ASIC2: variants seen among roughly 807,000 people sequenced by gnomAD.
ASIC2 encodes the protein acid-sensing ion channel 2.
A neutral mutation model predicts 57.3 loss-of-function variants in ASIC2; 25 were observed. The observed-to-expected ratio is 0.44, with a 90% confidence interval of 0.32 to 0.61. The LOEUF (loss-of-function observed/expected upper bound fraction) is 0.61, where lower values mean the gene tolerates loss of function less well. Among genes scored for constraint, ASIC2 ranks in the 20% least tolerant of loss-of-function variants. The pLI is 0.06. For missense variants in ASIC2, 641 were observed against 738.1 expected, an observed-to-expected ratio of 0.87 and a Z score of 1.52; for synonymous variants, 319 against 307.5, an observed-to-expected ratio of 1.04 and a Z score of -0.39.
chr17:33,391,662 G>A (rs1294817765), intron 1 of ASIC2, among the ~76,000 whole-genome samples: 1 of 152,158 alleles, frequency 6.6e-6, no homozygotes, highest in East Asian at 1.9e-4. Context: ...TTGACCTTGA[G>A]TTGCACTCAA....
At chr17:34,025,019 C>T (rs1260658771) in intron 1 of ASIC2, among the ~76,000 whole-genome samples, 5 of 152,176 alleles carry the variant, frequency 3.3e-5, no homozygotes. Flanking sequence ...CTCTTGGAGG[C>T]CCCCAGTGGA....
intron 1 of ASIC2, among the ~76,000 whole-genome samples, chr17:33,456,205 T>G (rs1239209448): frequency 6.6e-6 from 1 of 152,230 alleles, no homozygotes; most frequent in African/African-American, 2.4e-5. Context: ...TTTTGCAGAT[T>G]GATTTCCCAG....
intron 1 of ASIC2, among the ~76,000 whole-genome samples, chr17:33,329,525 G>A (rs1399805180): frequency 6.6e-6 from 1 of 152,184 alleles, no homozygotes; most frequent in Non-Finnish European, 1.5e-5. Context: ...TTTCAGAAGT[G>A]GCTTGGCTAA....
intron 1 of ASIC2, among the ~76,000 whole-genome samples, chr17:33,376,289 G>C: frequency 6.6e-6 from 1 of 151,024 alleles, no homozygotes; most frequent in East Asian, 1.9e-4. Flanking sequence ...TGAGAAATGA[G>C]CTAATGGGGT....
At chr17:33,088,788 T>C in intron 3 of ASIC2, 75 bp downstream of exon 3, 1 of 1,477,970 alleles carries the variant, frequency 6.8e-7, no homozygotes, top group Non-Finnish European at 9.0e-7. Flanking sequence ...GGGAATTCCA[T>C]TTCTCCTCCT....
At chr17:33,991,914 C>A (rs1180500664) in intron 1 of ASIC2, among the ~76,000 whole-genome samples, 1 of 152,140 alleles carries the variant, frequency 6.6e-6, no homozygotes, top group Admixed American at 6.5e-5. Flanking sequence ...TTGTTCAAAG[C>A]AAATGAACTG....
chr17:34,110,518 G>A (rs1054636195), intron 1 of ASIC2, among the ~76,000 whole-genome samples: 3 of 152,222 alleles, frequency 2.0e-5, no homozygotes, highest in East Asian at 3.8e-4. Flanking sequence ...ACAAAGCCCT[G>A]CTGCCCTGGG....
intron 1 of ASIC2, among the ~76,000 whole-genome samples, chr17:33,159,645 C>A (rs1905107068): frequency 1.3e-5 from 2 of 152,172 alleles, no homozygotes; most frequent in African/African-American, 4.8e-5. Context: ...AACGAAAGTG[C>A]CTTGAAATTG....
rs184655287 is a variant in ASIC2, at chr17:33,606,170, G to A, written c.556-494103C>T. Among the ~76,000 whole-genome samples, 35 of 152,330 alleles carry A rather than the reference G, an allele frequency of 2.3e-4. 1 individual carries two copies. The East Asian group carries it at 6.4e-3, about 28-fold the overall frequency. On this transcript the variant is annotated intron_variant, in intron 1 of 9. Transcript: ENST00000359872. ...TATTTGCCATCAGACAGCGGACCCA[G>A]GGGCCAGCTTGGAAGCAGAGCTGAT... is the stretch of plus-strand genomic sequence containing the variant.
At chr17:33,152,258 T>C (rs1245829029) in intron 1 of ASIC2, among the ~76,000 whole-genome samples, 1 of 152,064 alleles carries the variant, frequency 6.6e-6, no homozygotes, top group Non-Finnish European at 1.5e-5. Context: ...ACAATGTGGT[T>C]GGTCTATGGG....
intron 1 of ASIC2, among the ~76,000 whole-genome samples, chr17:33,662,651 AT>A (rs1311016538): frequency 7.0e-5 from 10 of 143,714 alleles, no homozygotes; most frequent in African/African-American, 1.3e-4. Flanking sequence ...AAATAAATAA[AT>A]AAATAAATAA....
At chr17:33,036,318 A>G (rs1156916181) in intron 3 of ASIC2, among the ~76,000 whole-genome samples, 1 of 152,178 alleles carries the variant, frequency 6.6e-6, no homozygotes, top group Non-Finnish European at 1.5e-5. Context: ...AGCAGATTTC[A>G]GATCCTAAAC....
intron 1 of ASIC2, among the ~76,000 whole-genome samples, chr17:34,152,843 T>C (rs11651946): frequency 0.29 from 43,922 of 152,046 alleles, 6,969 homozygotes; most frequent in Middle Eastern, 0.43. Context: ...CAATCCCTCC[T>C]CCTTCCTTCC....
intron 1 of ASIC2, among the ~76,000 whole-genome samples, chr17:33,279,694 C>A (rs1350982700): frequency 2.6e-5 from 4 of 152,102 alleles, no homozygotes; most frequent in African/African-American, 9.7e-5. Flanking sequence ...TCTACACCTG[C>A]CTAGGTAACG....
intron 1 of ASIC2, among the ~76,000 whole-genome samples, chr17:33,596,120 G>A (rs1370294700): frequency 1.3e-5 from 2 of 149,770 alleles, no homozygotes; most frequent in South Asian, 2.1e-4. Flanking sequence ...AGACCCACCC[G>A]CCAAATCTTG....
At chr17:33,577,020 G>C (rs534020769) in intron 1 of ASIC2, among the ~76,000 whole-genome samples, 10 of 152,336 alleles carry the variant, frequency 6.6e-5, no homozygotes, top group Admixed American at 5.9e-4. Flanking sequence ...TGTAACAAAT[G>C]TATGACCTCT....
Position 34,039,179 on chromosome 17 carries a change from C to G in ASIC2, c.555+116799G>C, listed in dbSNP as rs1908003793. On this transcript the variant is annotated intron_variant, in intron 1 of 9. Coordinates refer to the ASIC2 transcript ENST00000359872. ...CTTAATAAATCATCTATTCTTCCCT[C>G]CTTCTTCTCTAAGTCAGAATTCTTA... 1.9e-6 allele frequency: 3 copies of G among 1,614,032 alleles called. No homozygotes were observed. In the South Asian group the frequency reaches 3.3e-5, roughly 18 times the overall value.
intron 1 of ASIC2, among the ~76,000 whole-genome samples, chr17:33,549,272 T>A (rs912912141): frequency 6.6e-6 from 1 of 152,178 alleles, no homozygotes; most frequent in Admixed American, 6.5e-5. Flanking sequence ...AAAAGAGACA[T>A]AAAGGCTGCA....
At chr17:33,703,499 C>A (rs959025887) in intron 1 of ASIC2, among the ~76,000 whole-genome samples, 1 of 151,938 alleles carries the variant, frequency 6.6e-6, no homozygotes, top group Admixed American at 6.6e-5. Flanking sequence ...ACTACAGGCA[C>A]AAGCCACCAT....
Sources: allele counts gnomAD v4.1 joint callset (sites outside exome capture counted in the v4.1 genomes callset), GRCh38; gene constraint gnomAD v4.1.1; transcripts MANE v1.5; gene names NCBI Gene and HGNC (gene_info 2026-07-23, HGNC 2026-07-21).